The following ZBTB10 variants were observed in gnomAD, a reference collection of about 807,000 sequenced individuals.
ZBTB10 encodes zinc finger and BTB domain containing 10, also known as zinc finger and BTB domain-containing protein 10.
In ZBTB10, 32 loss-of-function variants were observed where a neutral mutation model predicts 76.4. The observed-to-expected ratio is 0.42, with a 90% confidence interval of 0.32 to 0.56. The LOEUF is 0.56. Ranked by LOEUF, ZBTB10 falls within the 20% of genes least tolerant of loss-of-function variation. ZBTB10 has a pLI of 0.14. For missense variants in ZBTB10, 1,057 were observed against 1,098.5 expected (o/e 0.96, Z 0.53); for synonymous variants, 523 against 432.9 (o/e 1.21, Z -2.58).
chr8:80,521,355 A>G lies in ZBTB10; in HGVS notation c.*1827A>G, dbSNP rs576213115. Reference sequence around the variant, plus strand: ...TGTTCTAGACAAATGAGTAAAATGTATTTCTGGTAGAAATTAGTTGGGCAA... The same window carrying G: ...TGTTCTAGACAAATGAGTAAAATGTGTTTCTGGTAGAAATTAGTTGGGCAA... On this transcript the variant is annotated 3_prime_UTR_variant, in exon 6 of 6. Coordinates refer to ENST00000455036, the MANE Select transcript of ZBTB10 (RefSeq NM_001105539.3). 3 of 152,004 alleles carry G rather than the reference A, an allele frequency of 2.0e-5. No homozygotes were observed. The highest frequency in any genetic ancestry group is 2.1e-4 in the South Asian group (1 of 4,822). The allele number at this position is 152,004 out of a possible 1,614,324, so 9.4% of individuals were successfully genotyped here.
intron 1 of ZBTB10, among the ~76,000 whole-genome samples, chr8:80,493,226 C>CACACAT (rs1815690230): frequency 6.7e-6 from 1 of 150,080 alleles, no homozygotes; most frequent in Non-Finnish European, 1.5e-5. Context: ...CACACACACA[C>CACACAT]ACACACACAC....
chr8:80,502,738 TAA>T (rs33919475), intron 2 of ZBTB10, among the ~76,000 whole-genome samples: 3 of 145,070 alleles, frequency 2.1e-5, no homozygotes, highest in East Asian at 2.0e-4. Flanking sequence ...GCTAAAACAG[TAA>T]AAAAAAAAAA....
chr8:80,486,543 C>G lies in ZBTB10; in HGVS notation c.-268C>G, dbSNP rs1167382406. The G allele has an allele frequency of 3.0e-6, 3 of 986,040 alleles. No homozygotes were observed. Among genetic ancestry groups the G allele is most frequent in the Non-Finnish European group, 3.6e-6 (3 of 830,556 alleles). The allele number at this position is 986,040 out of a possible 1,614,324, so 61.1% of individuals were successfully genotyped here. On this transcript the variant is annotated 5_prime_UTR_variant, in exon 1 of 6. Coordinates refer to ENST00000455036, the MANE Select transcript of ZBTB10 (RefSeq NM_001105539.3). ...CCCGCCCCCTTCTCCGCGCGGGACG[C>G]TGCCCGGAGCGCGGCGGGGCGGGGG... is the stretch of plus-strand genomic sequence containing the variant.
At chr8:80,486,070 A>G (rs2131463471), upstream of ZBTB10, 8 of 788,736 alleles carry the variant, frequency 1.0e-5, no homozygotes, top group African/African-American at 2.4e-5. Context: ...CCCAGGCCGG[A>G]GGCGCAGCCC....
At chr8:80,494,016 T>C (rs957442926) in intron 1 of ZBTB10, among the ~76,000 whole-genome samples, 1 of 152,224 alleles carries the variant, frequency 6.6e-6, no homozygotes, top group Non-Finnish European at 1.5e-5. Flanking sequence ...TGATTTGTCA[T>C]TGCCACTAGC....
Position 80,524,487 on chromosome 8 carries a change from T to C in ZBTB10, c.*4959T>C, listed in dbSNP as rs1357203273. On this transcript the variant is annotated 3_prime_UTR_variant, in exon 6 of 6. Coordinates refer to ENST00000455036, the MANE Select transcript of ZBTB10 (RefSeq NM_001105539.3). ...ATTGACTACAAGTGATGTGATGTTA[T>C]AAATTTGAAGTCTTTGAAACTTTAT... The C allele has an allele frequency of 6.6e-6, 1 of 152,156 alleles. No individual in the cohort carries two copies. The highest frequency in any genetic ancestry group is 6.6e-5 in the Admixed American group (1 of 15,258). 9.4% of individuals were successfully genotyped at this position (152,156 alleles called of 1,614,324 possible). A position where few individuals can be genotyped will look rare whatever the true frequency, so the allele number is the denominator to read the frequency against.
rs1041195571 is a variant in ZBTB10, at chr8:80,500,126, C to T, written c.1605C>T (p.Asp535=). The change falls in exon 2 of 6, where the codon GAC becomes GAT. Residue 535 remains aspartate, a synonymous_variant. Transcript: ENST00000455036. The part of the protein sequence containing the change: ...EGQIENYQMN[D]SSWVQDGSPE... ...AAATAGAAAACTACCAAATGAATGACAGTAGTTGGGTCCAGGATGGATCTC... is the reference window on the plus strand; with the variant it reads ...AAATAGAAAACTACCAAATGAATGATAGTAGTTGGGTCCAGGATGGATCTC... 1 of 1,613,812 alleles carries T rather than the reference C, an allele frequency of 6.2e-7. No homozygotes were observed.
intron 2 of ZBTB10, 135 bp downstream of exon 2, chr8:80,500,517 T>C: frequency 2.3e-6 from 2 of 875,156 alleles, no homozygotes; most frequent in Non-Finnish European, 3.3e-6. Flanking sequence ...AGGGGGAACG[T>C]CATTCAAATG....
chr8:80,488,024 CT>C (rs1815526166), intron 1 of ZBTB10, among the ~76,000 whole-genome samples: 1 of 132,072 alleles, frequency 7.6e-6, no homozygotes, highest in Non-Finnish European at 1.5e-5. Context: ...TGTCGTGGCG[CT>C]GGATTTTCTT....
intron 1 of ZBTB10, among the ~76,000 whole-genome samples, chr8:80,490,704 T>A (rs532404669): frequency 6.6e-6 from 1 of 152,046 alleles, no homozygotes; most frequent in Non-Finnish European, 1.5e-5. Flanking sequence ...GAAATGAGAG[T>A]TTTAGAATTC....
In ZBTB10 at chr8:80,500,052, G is replaced by T. The variant is rs2131490785; in HGVS notation, c.1531G>T (p.Ala511Ser). 2 of 1,613,910 alleles carry T rather than the reference G, an allele frequency of 1.2e-6. No individual in the cohort carries two copies. The highest frequency in any genetic ancestry group is 1.7e-6 in the Non-Finnish European group (2 of 1,179,852). ...FWATRNLTNL[A>S]SNVKIENDGC... ...GGCAACACGGAATCTTACCAATTTG[G>T]CAAGTAATGTAAAGATTGAAAATGA... Residue 511 changes from alanine to serine, a missense_variant, in exon 2 of 6, where the codon GCA (alanine) becomes TCA (serine). Ala to Ser is a moderately conservative substitution (Grantham distance 99). Transcript: ENST00000455036.
At chr8:80,509,905 C>A (rs1222697554) in intron 2 of ZBTB10, among the ~76,000 whole-genome samples, 1 of 152,128 alleles carries the variant, frequency 6.6e-6, no homozygotes, top group Admixed American at 6.5e-5. Context: ...ACCTTGGCTT[C>A]CTCCCAAAGT....
At chr8:80,502,209 G>C (rs936053393) in intron 2 of ZBTB10, among the ~76,000 whole-genome samples, 1 of 152,096 alleles carries the variant, frequency 6.6e-6, no homozygotes, top group Admixed American at 6.6e-5. Flanking sequence ...TTAATTGGTG[G>C]TCTAATATGC....
chr8:80,496,852 CTT>C (rs528940432), intron 1 of ZBTB10, among the ~76,000 whole-genome samples: 55 of 152,288 alleles, frequency 3.6e-4, no homozygotes, highest in African/African-American at 1.3e-3. Context: ...GTGTTGAAAA[CTT>C]TTGCTTCTTC....
rs1053319492 is a variant in ZBTB10 at position 80,520,829 on chromosome 8, G to C, written c.*1301G>C. 3.3e-5 allele frequency: 5 copies of C among 151,852 alleles called. No homozygotes were observed. The highest frequency in any genetic ancestry group is 7.4e-5 in the Non-Finnish European group (5 of 67,832). The allele number at this position is 151,852 out of a possible 1,614,324, so 9.4% of individuals were successfully genotyped here. On this transcript the variant is annotated 3_prime_UTR_variant, in exon 6 of 6. Coordinates refer to ENST00000455036, the MANE Select transcript of ZBTB10 (RefSeq NM_001105539.3). ...AAGGGTGACATATTGAGGTGAAATT[G>C]TCAGATTTACTTAGCCTGGTGACAT...
chr8:80,486,432 AG>A lies in ZBTB10; in HGVS notation c.-374del. On this transcript the variant is annotated 5_prime_UTR_variant, in exon 1 of 6. Coordinates refer to ENST00000455036, the MANE Select transcript of ZBTB10 (RefSeq NM_001105539.3). ...GGTGTGTGCGCGCGCGGCTTTAAAG[AG>A]GGGGCAGCGGAGGGTCTCCCCGCAC... 2.0e-6 allele frequency: 2 copies of A among 984,400 alleles called. No homozygotes were observed. Among genetic ancestry groups the A allele is most frequent in the Non-Finnish European group, 2.4e-6 (2 of 829,814 alleles). The allele number at this position is 984,400 out of a possible 1,614,324, so 61.0% of individuals were successfully genotyped here.
Position 80,487,148 on chromosome 8 carries a change from C to A in ZBTB10, c.338C>A (p.Pro113His). 7 of 1,514,546 alleles carry A rather than the reference C, an allele frequency of 4.6e-6. No homozygotes were observed. Among genetic ancestry groups the A allele is most frequent in the Non-Finnish European group, 6.2e-6 (7 of 1,134,174 alleles). The allele number at this position is 1,514,546 out of a possible 1,614,324, so 93.8% of individuals were successfully genotyped here. ...PTSLGGGAGGPLLAERNRRTL... is the reference protein window; with the variant it reads ...PTSLGGGAGGHLLAERNRRTL... ...TCGCTTGGCGGTGGCGCGGGGGGCC[C>A]CCTGCTAGCGGAAAGGAACCGTCGG... Residue 113 changes from proline (P) to histidine (H), a missense_variant, in exon 1 of 6, where the codon CCC (proline) becomes CAC (histidine). Transcript: ENST00000455036.
intron 1 of ZBTB10, among the ~76,000 whole-genome samples, chr8:80,490,191 C>T (rs536543665): frequency 2.6e-4 from 40 of 152,262 alleles, no homozygotes; most frequent in Middle Eastern, 3.4e-3. Context: ...CTTCTAGTTT[C>T]GTTATGTATG....
chr8:80,493,204 C>CGCGCGT (rs1403932764), intron 1 of ZBTB10, among the ~76,000 whole-genome samples: 14 of 115,790 alleles, frequency 1.2e-4, no homozygotes, highest in African/African-American at 4.4e-4. Context: ...CGCGCGCGCG[C>CGCGCGT]GCGCACACAC....
Sources: gnomAD v4.1 joint callset for allele counts (sites outside exome capture counted in the v4.1 genomes callset) on GRCh38, gnomAD v4.1.1 for gene constraint, MANE v1.5 for transcripts, NCBI Gene and HGNC (gene_info 2026-07-23, HGNC 2026-07-21) for gene names.